RALGAPA2: variants seen among roughly 807,000 people sequenced by gnomAD.
RALGAPA2 encodes ral GTPase-activating protein subunit alpha-2.
RALGAPA2 carries 139 observed loss-of-function variants against 230.4 expected under a neutral mutation model. The observed-to-expected ratio is 0.60, with a 90% CI of 0.53 to 0.69. The LOEUF (loss-of-function observed/expected upper bound fraction) is 0.69, where lower values mean the gene tolerates loss of function less well. Among genes scored for constraint, RALGAPA2 ranks in the 30% least tolerant of loss-of-function variants. The pLI is 0.00. For synonymous variants in RALGAPA2, 847 were observed against 837.8 expected, an observed-to-expected ratio of 1.01 and a Z score of -0.19; for missense variants, 2,163 against 2,276.0, an observed-to-expected ratio of 0.95 and a Z score of 1.01.
chr20:20,696,090 G>A (rs1223035690), intron 1 of RALGAPA2, among the ~76,000 whole-genome samples: 2 of 152,072 alleles, frequency 1.3e-5, no homozygotes, highest in Non-Finnish European at 2.9e-5. Flanking sequence ...CCGCTGTGTG[G>A]GCCCATTACA....
chr20:20,413,657 G>T (rs1011871476), intron 37 of RALGAPA2, among the ~76,000 whole-genome samples: 6 of 152,210 alleles, frequency 3.9e-5, no homozygotes, highest in African/African-American at 1.4e-4. Context: ...GCCTGTCACC[G>T]TGGAAAGCAC....
At chr20:20,687,537 A>G (rs1185288997) in intron 1 of RALGAPA2, among the ~76,000 whole-genome samples, 1 of 151,958 alleles carries the variant, frequency 6.6e-6, no homozygotes, top group Non-Finnish European at 1.5e-5. Context: ...TCCAAGCAAA[A>G]TGAGAAAATT....
At chr20:20,596,551 G>C (rs1457919346) in intron 16 of RALGAPA2, among the ~76,000 whole-genome samples, 1 of 152,158 alleles carries the variant, frequency 6.6e-6, no homozygotes, top group Non-Finnish European at 1.5e-5. Flanking sequence ...CCTTGGGTCA[G>C]TCTCTTGATA....
intron 37 of RALGAPA2, among the ~76,000 whole-genome samples, chr20:20,466,578 G>A (rs1046722568): frequency 6.6e-6 from 1 of 152,184 alleles, no homozygotes; most frequent in Non-Finnish European, 1.5e-5. Context: ...GGTTGGTCGA[G>A]GTCCCTTTTA....
At chr20:20,702,288 G>A (rs1471474208) in intron 1 of RALGAPA2, among the ~76,000 whole-genome samples, 1 of 152,142 alleles carries the variant, frequency 6.6e-6, no homozygotes, top group Non-Finnish European at 1.5e-5. Context: ...TGGGTTCTCT[G>A]AGAAGTAGAG....
intron 36 of RALGAPA2, among the ~76,000 whole-genome samples, chr20:20,483,546 C>T (rs2061832491): frequency 6.6e-6 from 1 of 152,074 alleles, no homozygotes. Context: ...TCAGGACCAT[C>T]CATCAAGGCT....
At position 20,620,551 on chromosome 20, in the gene RALGAPA2, T is replaced by C; in HGVS notation, c.1313A>G (p.Lys438Arg). Residue 438 changes from lysine to arginine, a missense_variant, in exon 11 of 40, where the codon AAA becomes AGA. Lys to Arg is a conservative substitution (Grantham distance 26, BLOSUM62 2). Coordinates refer to ENST00000202677, the MANE Select transcript of RALGAPA2 (RefSeq NM_020343.4). The stretch of plus-strand genomic sequence containing the variant: ...ATCTGGCTCCTCCATGAACACAGGT[T>C]TGTCCTGGAGAATCCACTTTCTGTA... ...QVYRKWILQD[K>R]PVFMEEPDRK... 1.2e-6 allele frequency: 2 copies of C among 1,613,932 alleles called. No individual in the cohort carries two copies. Among genetic ancestry groups the C allele is most frequent in the African/African-American group, 1.3e-5 (1 of 75,058 alleles).
chr20:20,632,569 A>G (rs2066711624), intron 9 of RALGAPA2, among the ~76,000 whole-genome samples: 1 of 152,212 alleles, frequency 6.6e-6, no homozygotes, highest in African/African-American at 2.4e-5. Flanking sequence ...GAAAGGTTAC[A>G]CCCATTAATT....
intron 16 of RALGAPA2, among the ~76,000 whole-genome samples, chr20:20,593,805 G>A (rs981871370): frequency 1.3e-5 from 2 of 152,222 alleles, no homozygotes; most frequent in Non-Finnish European, 2.9e-5. Context: ...GCCATCTGGT[G>A]GGATGCAATA....
intron 37 of RALGAPA2, among the ~76,000 whole-genome samples, chr20:20,458,733 CACCTATATATATATACAT>C (rs2061203256): frequency 2.1e-4 from 7 of 33,616 alleles, no homozygotes; most frequent in Admixed American, 3.5e-4. Context: ...TATATACACA[CACCTATATATATATACAT>C]ACACACCTAT....
chr20:20,669,510 A>G (rs1281264224), intron 3 of RALGAPA2, among the ~76,000 whole-genome samples: 1 of 152,044 alleles, frequency 6.6e-6, no homozygotes, highest in Non-Finnish European at 1.5e-5. Context: ...CCTCCCCTCA[A>G]TCATCCAGGG....
chr20:20,622,178 A>G (rs1265366323), intron 10 of RALGAPA2, among the ~76,000 whole-genome samples: 2 of 152,192 alleles, frequency 1.3e-5, no homozygotes, highest in Non-Finnish European at 2.9e-5. Context: ...AACTATGAAG[A>G]GATAAAAGAA....
At chr20:20,454,075 G>A (rs1173284895) in intron 37 of RALGAPA2, among the ~76,000 whole-genome samples, 1 of 152,156 alleles carries the variant, frequency 6.6e-6, no homozygotes, top group East Asian at 1.9e-4. Context: ...AGAAAAACTT[G>A]TTTCTCAGAA....
chr20:20,584,971 A>G lies in RALGAPA2; in HGVS notation c.2440-16T>C, dbSNP rs745999501. 1.9e-6 allele frequency: 3 copies of G among 1,584,004 alleles called. No homozygotes were observed. The Admixed American group carries it at 5.1e-5, about 27-fold the overall frequency. On this transcript the variant is annotated splice_polypyrimidine_tract_variant and intron_variant, in intron 18 of 39. Coordinates refer to ENST00000202677, the MANE Select transcript of RALGAPA2 (RefSeq NM_020343.4). The stretch of plus-strand genomic sequence containing the variant: ...GAACTAAGATCTTCAGACAAAAAGA[A>G]ATATTGCATTTACTACAGGAAAGTT...
At chr20:20,696,015 C>T (rs1422480993) in intron 1 of RALGAPA2, among the ~76,000 whole-genome samples, 3 of 152,072 alleles carry the variant, frequency 2.0e-5, no homozygotes, top group Non-Finnish European at 4.4e-5. Flanking sequence ...AATATGCCTG[C>T]TCTCTGCCTG....
intron 2 of RALGAPA2, among the ~76,000 whole-genome samples, chr20:20,677,627 C>T (rs1213304302): frequency 7.2e-6 from 1 of 138,152 alleles, no homozygotes; most frequent in South Asian, 2.3e-4. Flanking sequence ...ATGATTTGAC[C>T]CATTTTTTTT....
chr20:20,539,995 T>C (rs1195806780), intron 24 of RALGAPA2, among the ~76,000 whole-genome samples: 1 of 152,236 alleles, frequency 6.6e-6, no homozygotes, highest in Non-Finnish European at 1.5e-5. Flanking sequence ...ACATTTCCTT[T>C]ATCCATTCAT....
intron 3 of RALGAPA2, among the ~76,000 whole-genome samples, chr20:20,673,494 T>A (rs2068211812): frequency 6.6e-6 from 1 of 152,010 alleles, no homozygotes; most frequent in Admixed American, 6.6e-5. Context: ...TGCCAATACA[T>A]TTTAAAACTT....
rs149121928 is a variant in RALGAPA2, at chr20:20,403,118, G to A, written c.5618-6384C>T. Among the ~76,000 whole-genome samples, 72 of 152,112 alleles carry A rather than the reference G, an allele frequency of 4.7e-4. 2 individuals carry two copies. The East Asian group carries it at 0.013, about 27-fold the overall frequency. ...CCCAGGTGTGTTGGATTTTCTCAGTGGCACTCCCAAGGCTCTTTCCCTGTT... is the reference window on the plus strand; with the variant it reads ...CCCAGGTGTGTTGGATTTTCTCAGTAGCACTCCCAAGGCTCTTTCCCTGTT... On this transcript the variant is annotated intron_variant, in intron 38 of 39. Coordinates refer to ENST00000202677, the MANE Select transcript of RALGAPA2 (RefSeq NM_020343.4).
Sources: gnomAD v4.1 joint callset for allele counts (sites outside exome capture counted in the v4.1 genomes callset) on GRCh38, gnomAD v4.1.1 for gene constraint, MANE v1.5 for transcripts, NCBI Gene and HGNC (gene_info 2026-07-23, HGNC 2026-07-21) for gene names.